The following DLG2 variants were observed in gnomAD, a reference collection of about 807,000 sequenced individuals.
The protein encoded by DLG2 is discs large MAGUK scaffold protein 2, also known as disks large homolog 2.
A neutral mutation model predicts 132.5 loss-of-function variants in DLG2; 45 were observed. The observed-to-expected ratio is 0.34, with a 90% confidence interval of 0.27 to 0.44. DLG2 has a LOEUF of 0.44. Among genes scored for constraint, DLG2 ranks in the 20% least tolerant of loss-of-function variants. The pLI, the probability that DLG2 is intolerant of heterozygous loss-of-function variation, is 1.00. For synonymous variants in DLG2, 424 were observed against 419.6 expected, an observed-to-expected ratio of 1.01 and a Z score of -0.13; for missense variants, 1,045 against 1,196.9, an observed-to-expected ratio of 0.87 and a Z score of 1.87.
chr11:84,314,361 A>G (rs979319132), intron 7 of DLG2, among the ~76,000 whole-genome samples: 2 of 152,240 alleles, frequency 1.3e-5, no homozygotes, highest in Non-Finnish European at 2.9e-5. Flanking sequence ...AAAAAGTAGT[A>G]TCATGAAATT....
chr11:83,482,893 G>C (rs2137405555), intron 22 of DLG2, among the ~76,000 whole-genome samples: 1 of 152,208 alleles, frequency 6.6e-6, no homozygotes, highest in African/African-American at 2.4e-5. Context: ...TGCTGTTCTA[G>C]AACACTTAGC....
At chr11:85,177,467 T>A (rs1184676513) in intron 4 of DLG2, among the ~76,000 whole-genome samples, 2 of 151,956 alleles carry the variant, frequency 1.3e-5, no homozygotes, top group African/African-American at 4.8e-5. Context: ...GGGAGCTGAA[T>A]GATGAGAACA....
At chr11:84,397,936 G>A (rs2098816345) in intron 7 of DLG2, among the ~76,000 whole-genome samples, 1 of 152,116 alleles carries the variant, frequency 6.6e-6, no homozygotes, top group Non-Finnish European at 1.5e-5. Context: ...TTTTCATCAG[G>A]AACACATGAA....
At chr11:85,624,578 CTTATA>C (rs766894643) in intron 2 of DLG2, among the ~76,000 whole-genome samples, 24 of 152,038 alleles carry the variant, frequency 1.6e-4, no homozygotes, top group South Asian at 1.0e-3. Flanking sequence ...AAATACTGTT[CTTATA>C]TTATATAAAC....
At chr11:84,388,238 T>C (rs1403634281) in intron 7 of DLG2, among the ~76,000 whole-genome samples, 3 of 152,166 alleles carry the variant, frequency 2.0e-5, no homozygotes. Flanking sequence ...GATGGCCGTG[T>C]CATTAATTAC....
chr11:85,286,439 A>G (rs1268650401), intron 3 of DLG2, among the ~76,000 whole-genome samples: 1 of 152,112 alleles, frequency 6.6e-6, no homozygotes, highest in Admixed American at 6.6e-5. Context: ...ATACACACAT[A>G]TATTTCCTTG....
intron 7 of DLG2, among the ~76,000 whole-genome samples, chr11:84,515,315 A>ACACC (rs1554986311): frequency 1.2e-4 from 16 of 131,588 alleles, no homozygotes; most frequent in East Asian, 6.7e-4. Flanking sequence ...ACACACACAC[A>ACACC]CCCCAAATAT....
intron 3 of DLG2, among the ~76,000 whole-genome samples, chr11:85,305,991 C>G (rs1002176335): frequency 5.9e-5 from 9 of 152,190 alleles, no homozygotes; most frequent in African/African-American, 2.2e-4. Context: ...CAGAATCCAA[C>G]TTGGGTTTGA....
intron 7 of DLG2, among the ~76,000 whole-genome samples, chr11:84,508,103 C>T (rs2099246841): frequency 6.6e-6 from 1 of 152,172 alleles, no homozygotes; most frequent in South Asian, 2.1e-4. Flanking sequence ...ACTGGGTTCT[C>T]ATCTCATTCT....
chr11:84,782,807 C>T (rs1228828946), intron 6 of DLG2, among the ~76,000 whole-genome samples: 2 of 152,120 alleles, frequency 1.3e-5, no homozygotes, highest in Non-Finnish European at 2.9e-5. Flanking sequence ...CCTACATGGT[C>T]CTATATAGTT....
At chr11:84,613,678 C>A (rs1001285902) in intron 6 of DLG2, among the ~76,000 whole-genome samples, 2 of 152,106 alleles carry the variant, frequency 1.3e-5, no homozygotes, top group Non-Finnish European at 2.9e-5. Context: ...ATTGTCAAGA[C>A]AAAAGGATGA....
chr11:83,935,339 C>G (rs2081217368), intron 14 of DLG2, among the ~76,000 whole-genome samples: 1 of 152,068 alleles, frequency 6.6e-6, no homozygotes, highest in African/African-American at 2.4e-5. Context: ...GGGCTAATAG[C>G]TCTTAAGGGT....
At chr11:83,578,718 C>T (rs1351696208) in intron 19 of DLG2, among the ~76,000 whole-genome samples, 1 of 152,122 alleles carries the variant, frequency 6.6e-6, no homozygotes, top group East Asian at 1.9e-4. Context: ...AATCTTTATT[C>T]ATGTAATAAC....
chr11:85,126,300 A>C (rs924200767), intron 5 of DLG2, among the ~76,000 whole-genome samples: 3 of 152,200 alleles, frequency 2.0e-5, no homozygotes, highest in Admixed American at 6.5e-5. Context: ...AAGTCAAAAG[A>C]GAATCGTATA....
intron 9 of DLG2, among the ~76,000 whole-genome samples, chr11:84,162,338 C>T (rs1003299801): frequency 1.3e-5 from 2 of 151,544 alleles, no homozygotes; most frequent in African/African-American, 4.8e-5. Flanking sequence ...TATTATATAG[C>T]TTTGTGTCTA....
intron 6 of DLG2, among the ~76,000 whole-genome samples, chr11:85,003,534 T>C (rs755120147): frequency 2.0e-5 from 3 of 152,160 alleles, no homozygotes; most frequent in African/African-American, 7.2e-5. Flanking sequence ...TTTAATCTTA[T>C]GCATACGTAA....
At chr11:85,306,500 G>A (rs755661695) in intron 3 of DLG2, among the ~76,000 whole-genome samples, 14 of 152,222 alleles carry the variant, frequency 9.2e-5, no homozygotes, top group Admixed American at 7.9e-4. Context: ...CTGCTGCCAG[G>A]TGAATGGGGC....
intron 15 of DLG2, among the ~76,000 whole-genome samples, chr11:83,898,889 G>A (rs966168072): frequency 6.6e-6 from 1 of 152,046 alleles, no homozygotes; most frequent in African/African-American, 2.4e-5. Context: ...GAAAAAATAT[G>A]ACTATAGCAT....
intron 11 of DLG2, among the ~76,000 whole-genome samples, chr11:84,011,815 T>C (rs1347723141): frequency 6.6e-6 from 1 of 152,120 alleles, no homozygotes; most frequent in Admixed American, 6.6e-5. Context: ...TAAAAAACAC[T>C]ACCACCCTTT....
Sources: allele counts gnomAD v4.1 joint callset (sites outside exome capture counted in the v4.1 genomes callset), GRCh38; gene constraint gnomAD v4.1.1; transcripts MANE v1.5; gene names NCBI Gene and HGNC (gene_info 2026-07-23, HGNC 2026-07-21).